Variants in CYP2A13 observed in about 807,000 individuals in gnomAD.
The protein encoded by CYP2A13 is cytochrome P450 family 2 subfamily A member 13, also known as cytochrome P450 2A13.
A neutral mutation model predicts 39.4 loss-of-function variants in CYP2A13; 30 were observed. The ratio of observed to expected loss-of-function variants is 0.76; its 90% confidence interval spans 0.57 to 1.03. CYP2A13 has a LOEUF of 1.03. Ranked by LOEUF, CYP2A13 falls within the 50% of genes least tolerant of loss-of-function variation. The pLI, the probability that CYP2A13 is intolerant of heterozygous loss-of-function variation, is 0.00. For missense variants in CYP2A13, 731 were observed against 648.4 expected, an observed-to-expected ratio of 1.13 and a Z score of -1.38; for synonymous variants, 269 against 254.7, an observed-to-expected ratio of 1.06 and a Z score of -0.54.
In CYP2A13 at chr19:41,088,671, T is replaced by C; in HGVS notation, c.180+20T>C. On this transcript the variant is annotated intron_variant, in intron 1 of 8. Coordinates refer to ENST00000330436, the MANE Select transcript of CYP2A13 (RefSeq NM_000766.5). Reference sequence around the variant, plus strand: ...ATGAAGGTGTCCTAAGGCAGGGAGATGGGTGGCACGGGGTGGGGGCTGCCC... The same window carrying C: ...ATGAAGGTGTCCTAAGGCAGGGAGACGGGTGGCACGGGGTGGGGGCTGCCC... 1 of 1,605,718 alleles carries C rather than the reference T, an allele frequency of 6.2e-7. No homozygotes were observed. Among genetic ancestry groups the C allele is most frequent in the Non-Finnish European group, 8.5e-7 (1 of 1,174,766 alleles).
intron 4 of CYP2A13, among the ~76,000 whole-genome samples, chr19:41,091,000 C>T (rs2031177308): frequency 6.6e-6 from 1 of 152,214 alleles, no homozygotes; most frequent in African/African-American, 2.4e-5. Flanking sequence ...CACATCTACA[C>T]AAATGTCACA....
In CYP2A13 at chr19:41,090,546, G is replaced by C. The variant is rs147780705; in HGVS notation, c.636G>C (p.Thr212=). The change falls in exon 4 of 9, where the codon ACG becomes ACC. Residue 212 remains threonine, a synonymous_variant. Coordinates refer to ENST00000330436, the MANE Select transcript of CYP2A13 (RefSeq NM_000766.5). ...LRMMLGSFQF[T]ATSTGQLYEM... ...TGATGCTGGGAAGCTTCCAGTTCACGGCAACCTCCACGGGGCAGGTAACTG... is the reference window on the plus strand; with the variant it reads ...TGATGCTGGGAAGCTTCCAGTTCACCGCAACCTCCACGGGGCAGGTAACTG... The C allele has an allele frequency of 5.1e-4, 827 of 1,613,992 alleles. 3 individuals are homozygous for C. In the African/African-American group the frequency reaches 9.5e-3, roughly 19 times the overall value.
chr19:41,089,763 C>G (rs1004276385), intron 2 of CYP2A13, among the ~76,000 whole-genome samples: 3 of 150,582 alleles, frequency 2.0e-5, no homozygotes, highest in African/African-American at 4.9e-5. Flanking sequence ...GTCTGTCTGG[C>G]CTTTCTGCTT....
chr19:41,090,702 G>C (rs1429526092), intron 4 of CYP2A13, 138 bp downstream of exon 4: 1 of 1,388,014 alleles, frequency 7.2e-7, no homozygotes, highest in East Asian at 2.3e-5. Flanking sequence ...TGGACAACTG[G>C]ACGGTTGCAC....
intron 4 of CYP2A13, 78 bp from the exon 5 acceptor site, chr19:41,091,654 G>A: frequency 1.3e-6 from 2 of 1,572,980 alleles, no homozygotes; most frequent in South Asian, 2.4e-5. Flanking sequence ...TCCTTGCTAT[G>A]AAACAAATCC....
At position 41,088,750 on chromosome 19, in the gene CYP2A13, G is replaced by A; in HGVS notation, c.180+99G>A. 8.4e-6 allele frequency: 13 copies of A among 1,545,206 alleles called. No homozygotes were observed. In the South Asian group the frequency reaches 1.3e-4, roughly 15 times the overall value. ...TGACCAGTGTGGACCAGAGTCTTAGGAAAGGGAGTCTTGGAGTTTCAGCAT... is the reference window on the plus strand; with the variant it reads ...TGACCAGTGTGGACCAGAGTCTTAGAAAAGGGAGTCTTGGAGTTTCAGCAT... On this transcript the variant is annotated intron_variant, in intron 1 of 8. Coordinates refer to ENST00000330436, the MANE Select transcript of CYP2A13 (RefSeq NM_000766.5).
chr19:41,094,483 T>C, intron 7 of CYP2A13, 51 bp downstream of exon 7: 1 of 1,599,598 alleles, frequency 6.3e-7, no homozygotes, highest in Non-Finnish European at 8.6e-7. Flanking sequence ...ACTTCCAGCC[T>C]CTCTCTGTGT....
chr19:41,090,233 G>A (rs1247341925), intron 3 of CYP2A13, 37 bp downstream of exon 3: 1 of 1,547,568 alleles, frequency 6.5e-7, no homozygotes, highest in Admixed American at 1.9e-5. Context: ...GCGGGAACCC[G>A]CGCTTTCTGC....
chr19:41,095,804 T>C lies in CYP2A13; in HGVS notation c.1348T>C (p.Phe450Leu), dbSNP rs1479636108. ...AGAAGGCCTGGCCAGAATGGAGCTC[T>C]TTCTCTTCTTCACCACCATCATGCA... Reference protein sequence around the residue: ...FGEGLARMELFLFFTTIMQNF... With the variant: ...FGEGLARMELLLFFTTIMQNF... The change falls in exon 9 of 9, where the codon TTT becomes CTT. Residue 450 changes from phenylalanine (F) to leucine (L), a missense_variant. Coordinates refer to ENST00000330436, the MANE Select transcript of CYP2A13 (RefSeq NM_000766.5). The C allele has an allele frequency of 6.2e-7, 1 of 1,614,014 alleles. No individual in the cohort carries two copies. Among genetic ancestry groups the C allele is most frequent in the Non-Finnish European group, 8.5e-7 (1 of 1,180,002 alleles).
At position 41,096,185 on chromosome 19, in the gene CYP2A13, T is replaced by C. The variant is rs1330451874; in HGVS notation, c.*244T>C. 1.6e-6 allele frequency: 1 copy of C among 609,580 alleles called. No homozygotes were observed. The highest frequency in any genetic ancestry group is 2.9e-6 in the Non-Finnish European group (1 of 350,762). The allele number at this position is 609,580 out of a possible 1,614,324, so 37.8% of individuals were successfully genotyped here. On this transcript the variant is annotated 3_prime_UTR_variant, in exon 9 of 9. Transcript: ENST00000330436. ...AAAGAGTAGTAATAATAGCAGCTCT[T>C]ATTTCCTGAACAAGTACCTCCGTGT...
chr19:41,089,054 C>T lies in CYP2A13; in HGVS notation c.306C>T (p.Gly102=), dbSNP rs771805091. 30 of 1,612,890 alleles carry T rather than the reference C, an allele frequency of 1.9e-5. No homozygotes were observed. Among genetic ancestry groups the T allele is most frequent in the African/African-American group, 1.5e-4 (11 of 74,850 alleles). ...AGGCTGAGGAGTTCAGCGGGCGAGG[C>T]GAGCAGGCCACCTTCGACTGGCTCT... ...VDQAEEFSGR[G]EQATFDWLFK... The change falls in exon 2 of 9, where the codon GGC becomes GGT. Residue 102 remains glycine, a synonymous_variant. Transcript: ENST00000330436.
rs2031098168 is a variant in CYP2A13, at chr19:41,088,801, T to C, written c.181-128T>C. The stretch of plus-strand genomic sequence containing the variant: ...CAGGGTCCTAGCAGGAAAGACAGGA[T>C]CTTGGGATGTCCAGCTCCCTGACTG... On this transcript the variant is annotated intron_variant, in intron 1 of 8. Transcript: ENST00000330436. The C allele has an allele frequency of 1.9e-6, 3 of 1,541,142 alleles. No homozygotes were observed. The South Asian group carries it at 3.8e-5, about 19-fold the overall frequency.
chr19:41,090,698 A>G, intron 4 of CYP2A13, 134 bp downstream of exon 4: 1 of 1,407,018 alleles, frequency 7.1e-7, no homozygotes, highest in Non-Finnish European at 9.7e-7. Context: ...ATATTGGACA[A>G]CTGGACGGTT....
Position 41,089,123 on chromosome 19 carries a change from C to T in CYP2A13, c.343+32C>T, listed in dbSNP as rs776729060. ...GGGTGCCCAAGAGGGGGAAGGTGGC[C>T]AGGTGGATGCAATGGTCTCCGTGTC... On this transcript the variant is annotated intron_variant, in intron 2 of 8. Coordinates refer to ENST00000330436, the MANE Select transcript of CYP2A13 (RefSeq NM_000766.5). 5.6e-6 allele frequency: 9 copies of T among 1,611,002 alleles called. No homozygotes were observed. The African/African-American group carries it at 9.4e-5, about 17-fold the overall frequency.
chr19:41,088,994 C>T lies in CYP2A13; in HGVS notation c.246C>T (p.Cys82=), dbSNP rs67027422. 5.5e-3 allele frequency: 8,823 copies of T among 1,613,896 alleles called. 33 individuals carry two copies. The highest frequency in any genetic ancestry group is 0.015 in the African/African-American group (1,117 of 75,004). Residue 82 remains cysteine, a synonymous_variant, in exon 2 of 9, where the codon TGC becomes TGT. Coordinates refer to ENST00000330436, the MANE Select transcript of CYP2A13 (RefSeq NM_000766.5). ...GGCCCCGGCGGGTCGTGGTGCTGTG[C>T]GGACATGATGCCGTCAAGGAGGCTC... ...HLGPRRVVVL[C]GHDAVKEALV...
At position 41,089,094 on chromosome 19, in the gene CYP2A13, G is replaced by A. The variant is rs1173226594; in HGVS notation, c.343+3G>A. The A allele has an allele frequency of 1.2e-6, 2 of 1,612,044 alleles. No individual in the cohort carries two copies. Among genetic ancestry groups the A allele is most frequent in the Non-Finnish European group, 1.7e-6 (2 of 1,179,690 alleles). On this transcript the variant is annotated splice_donor_region_variant and intron_variant, in intron 2 of 8. Transcript: ENST00000330436. The stretch of plus-strand genomic sequence containing the variant: ...CGACTGGCTCTTCAAAGGCTATGGT[G>A]AGGGGGTGCCCAAGAGGGGGAAGGT...
chr19:41,093,456 G>T (rs1010776210), intron 5 of CYP2A13, among the ~76,000 whole-genome samples, 174 bp from the exon 6 acceptor site: 13 of 152,142 alleles, frequency 8.5e-5, no homozygotes, highest in African/African-American at 3.1e-4. Flanking sequence ...AGAGCATTTT[G>T]GGCAAAGCCA....
Position 41,091,796 on chromosome 19 carries a change from A to C in CYP2A13, c.719A>C (p.Glu240Ala), listed in dbSNP as rs773368843. ...GGACCACAGCAACAGGCCTTTAAGG[A>C]GCTGCAAGGGCTGGAGGACTTCATC... ...LPGPQQQAFK[E>A]LQGLEDFIAK... The change falls in exon 5 of 9, where the codon GAG (glutamate) becomes GCG (alanine). Residue 240 changes from glutamate (E) to alanine (A), a missense_variant. Glu to Ala is a moderately radical substitution (Grantham distance 107, BLOSUM62 -1). Transcript: ENST00000330436. 8 of 1,614,114 alleles carry C rather than the reference A, an allele frequency of 5.0e-6. No homozygotes were observed. The highest frequency in any genetic ancestry group is 5.9e-6 in the Non-Finnish European group (7 of 1,180,008).
intron 8 of CYP2A13, 88 bp from the exon 9 acceptor site, chr19:41,095,672 C>G: frequency 6.5e-7 from 1 of 1,534,098 alleles, no homozygotes; most frequent in East Asian, 2.3e-5. Flanking sequence ...CACCCCTCCT[C>G]CCTAGAGAGT....
Sources: gnomAD v4.1 joint callset for allele counts (sites outside exome capture counted in the v4.1 genomes callset) on GRCh38, gnomAD v4.1.1 for gene constraint, MANE v1.5 for transcripts, NCBI Gene and HGNC (gene_info 2026-07-23, HGNC 2026-07-21) for gene names.